The following NKAIN3 variants were observed in gnomAD, a reference collection of about 807,000 sequenced individuals.
NKAIN3 encodes sodium/potassium-transporting ATPase subunit beta-1-interacting protein 3.
NKAIN3 carries 25 observed loss-of-function variants against 30.2 expected under a neutral mutation model. The ratio of observed to expected loss-of-function variants is 0.83; its 90% confidence interval spans 0.60 to 1.16. The LOEUF is 1.16. NKAIN3 is among the 50% of genes most tolerant of loss of function. The probability of loss-of-function intolerance (pLI) is 0.00; values close to 1 mark genes in which losing one functional copy is unlikely to be tolerated. For missense variants in NKAIN3, 225 were observed against 254.1 expected, an observed-to-expected ratio of 0.89 and a Z score of 0.78; for synonymous variants, 91 against 89.6, an observed-to-expected ratio of 1.02 and a Z score of -0.09.
intron 4 of NKAIN3, among the ~76,000 whole-genome samples, chr8:62,821,442 T>A (rs1447313609): frequency 6.6e-6 from 1 of 152,178 alleles, no homozygotes; most frequent in Non-Finnish European, 1.5e-5. Flanking sequence ...ATGATGTTTC[T>A]TTTCAGAAGA....
intron 4 of NKAIN3, among the ~76,000 whole-genome samples, chr8:62,822,696 C>A (rs1462702425): frequency 6.6e-6 from 1 of 152,048 alleles, no homozygotes; most frequent in Non-Finnish European, 1.5e-5. Context: ...TTGAGGAGTC[C>A]TAGGAGCAGT....
At chr8:62,868,153 A>G (rs146404103) in intron 4 of NKAIN3, among the ~76,000 whole-genome samples, 4 of 152,312 alleles carry the variant, frequency 2.6e-5, no homozygotes, top group African/African-American at 9.6e-5. Flanking sequence ...ACTGTTAGAA[A>G]AGGAAGCAGA....
chr8:62,585,045 A>G (rs887665706), intron 2 of NKAIN3, among the ~76,000 whole-genome samples: 2 of 152,234 alleles, frequency 1.3e-5, no homozygotes, highest in Admixed American at 1.3e-4. Context: ...ATTTTACAAG[A>G]TGGAATGGAC....
chr8:62,410,532 T>G (rs1310242449), intron 1 of NKAIN3, among the ~76,000 whole-genome samples: 1 of 152,012 alleles, frequency 6.6e-6, no homozygotes, highest in Non-Finnish European at 1.5e-5. Flanking sequence ...AATTGAGACG[T>G]AAGAATTGAT....
intron 3 of NKAIN3, among the ~76,000 whole-genome samples, chr8:62,634,061 AC>A (rs573462194): frequency 6.6e-6 from 1 of 152,120 alleles, no homozygotes; most frequent in Non-Finnish European, 1.5e-5. Flanking sequence ...TGCAATTGAA[AC>A]CAGCCCAATT....
At chr8:62,450,680 C>T (rs2059199766) in intron 1 of NKAIN3, among the ~76,000 whole-genome samples, 1 of 152,040 alleles carries the variant, frequency 6.6e-6, no homozygotes, top group Admixed American at 6.6e-5. Flanking sequence ...CAGATGAAGC[C>T]CAGGCAGTGT....
At chr8:62,591,389 A>G (rs958988089) in intron 3 of NKAIN3, among the ~76,000 whole-genome samples, 1 of 151,954 alleles carries the variant, frequency 6.6e-6, no homozygotes, top group Non-Finnish European at 1.5e-5. Context: ...AGATTTTCCA[A>G]TAATAATAGT....
intron 1 of NKAIN3, among the ~76,000 whole-genome samples, chr8:62,557,559 G>T (rs372059233): frequency 6.6e-6 from 1 of 152,024 alleles, no homozygotes; most frequent in African/African-American, 2.4e-5. Context: ...CCACATCCAC[G>T]CCAGCATCTA....
At chr8:62,315,836 T>G (rs1456200692) in intron 1 of NKAIN3, among the ~76,000 whole-genome samples, 1 of 152,202 alleles carries the variant, frequency 6.6e-6, no homozygotes, top group East Asian at 1.9e-4. Flanking sequence ...TCAATAACTT[T>G]TGCAGCAATG....
At chr8:62,857,171 A>G in intron 4 of NKAIN3, 3 of 324,652 alleles carry the variant, frequency 9.2e-6, no homozygotes, top group South Asian at 5.6e-5. Flanking sequence ...TAGGGCCCCA[A>G]TCTCTTCTGG....
intron 1 of NKAIN3, among the ~76,000 whole-genome samples, chr8:62,295,564 G>T (rs1813797599): frequency 6.6e-6 from 1 of 152,108 alleles, no homozygotes; most frequent in South Asian, 2.1e-4. Context: ...ATGTATTTTT[G>T]AGGCTTATTT....
rs898546344 is a variant in NKAIN3, at chr8:62,743,224, G to A, written c.274-3708G>A. Among the ~76,000 whole-genome samples, 5 of 152,104 alleles carry A rather than the reference G, an allele frequency of 3.3e-5. No individual in the cohort carries two copies. In the South Asian group the frequency reaches 6.2e-4, roughly 19 times the overall value. ...TTGTGTTTCTTTTTCTGTATAAAATGTTATTTTCTGTGTGGTGTTTCCTTT... is the reference window on the plus strand; with the variant it reads ...TTGTGTTTCTTTTTCTGTATAAAATATTATTTTCTGTGTGGTGTTTCCTTT... On this transcript the variant is annotated intron_variant, in intron 3 of 6. Coordinates refer to ENST00000623646, the MANE Select transcript of NKAIN3 (RefSeq NM_001304533.3).
rs149046044 is a variant in NKAIN3 at position 62,729,433 on chromosome 8, G to T, written c.274-17499G>T. Among the ~76,000 whole-genome samples, 543 of 152,218 alleles carry T rather than the reference G, an allele frequency of 3.6e-3. 4 individuals are homozygous for T. Among genetic ancestry groups the T allele is most frequent in the African/African-American group, 0.012 (519 of 41,524 alleles). ...TTCAATACTGGGTGTAACGCAAAAT[G>T]GTACAGCTACTTTGGAAGACAGTTT... On this transcript the variant is annotated intron_variant, in intron 3 of 6. Coordinates refer to ENST00000623646, the MANE Select transcript of NKAIN3 (RefSeq NM_001304533.3).
intron 4 of NKAIN3, among the ~76,000 whole-genome samples, chr8:62,757,018 T>A (rs1301140201): frequency 6.6e-6 from 1 of 152,190 alleles, no homozygotes; most frequent in Non-Finnish European, 1.5e-5. Context: ...AACTTAAATA[T>A]TGTTTCATCA....
chr8:62,604,058 C>T (rs867305928), intron 3 of NKAIN3, among the ~76,000 whole-genome samples: 55 of 152,168 alleles, frequency 3.6e-4, no homozygotes, highest in Middle Eastern at 6.8e-3. Context: ...ATGTCTGCTG[C>T]GGCACAGAAC....
Position 62,974,645 on chromosome 8 carries a change from C to T in NKAIN3, c.*9238C>T, listed in dbSNP as rs553195519. On this transcript the variant is annotated 3_prime_UTR_variant, in exon 7 of 7. Transcript: ENST00000623646. The stretch of plus-strand genomic sequence containing the variant: ...GACTTTCTCTCTTCCTATTCGAATA[C>T]GCTTTATTTCATTCTCTTGCCTGTT... Among the ~76,000 whole-genome samples the T allele has an allele frequency of 4.6e-5, 7 of 152,278 alleles. No homozygotes were observed. The South Asian group carries it at 6.2e-4, about 14-fold the overall frequency.
rs1585808926 is a variant in NKAIN3 at position 62,438,796 on chromosome 8, C to A, written c.55-140743C>A. On this transcript the variant is annotated intron_variant, in intron 1 of 6. Transcript: ENST00000623646. ...CAGGCTGGTCTTGAACTCCTGATCT[C>A]AAGTGATCTGCCTGTCTTGGCCTCC... is the stretch of plus-strand genomic sequence containing the variant. Among the ~76,000 whole-genome samples the A allele has an allele frequency of 2.6e-5, 4 of 152,286 alleles. No individual in the cohort carries two copies. In the South Asian group the frequency reaches 8.3e-4, roughly 32 times the overall value.
chr8:62,267,141 A>G (rs373616978), intron 1 of NKAIN3, among the ~76,000 whole-genome samples: 1 of 152,246 alleles, frequency 6.6e-6, no homozygotes, highest in African/African-American at 2.4e-5. Context: ...TTTGCATGAT[A>G]TCATATTACT....
chr8:62,595,003 C>T (rs531329623), intron 3 of NKAIN3, among the ~76,000 whole-genome samples: 4 of 151,980 alleles, frequency 2.6e-5, no homozygotes, highest in African/African-American at 4.8e-5. Flanking sequence ...AGACCACTGC[C>T]GTGAATATTT....
Sources: gnomAD v4.1 joint callset for allele counts (sites outside exome capture counted in the v4.1 genomes callset) on GRCh38, gnomAD v4.1.1 for gene constraint, MANE v1.5 for transcripts, NCBI Gene and HGNC (gene_info 2026-07-23, HGNC 2026-07-21) for gene names.